KCNH1: variants seen among roughly 807,000 people sequenced by gnomAD.
KCNH1 encodes the protein potassium voltage-gated channel subfamily H member 1.
A neutral mutation model predicts 69.2 loss-of-function variants in KCNH1; 27 were observed. The ratio of observed to expected loss-of-function variants is 0.39; its 90% CI spans 0.29 to 0.54. The LOEUF (loss-of-function observed/expected upper bound fraction) is 0.54, where lower values mean the gene tolerates loss of function less well. Ranked by LOEUF, KCNH1 falls within the 20% of genes least tolerant of loss-of-function variation. The pLI is 0.68. For missense variants in KCNH1, 798 were observed against 1,261.6 expected, an observed-to-expected ratio of 0.63 and a Z score of 5.57; for synonymous variants, 456 against 487.7, an observed-to-expected ratio of 0.93 and a Z score of 0.86.
intron 6 of KCNH1, among the ~76,000 whole-genome samples, chr1:210,965,790 G>C (rs1023625014): frequency 1.2e-4 from 19 of 152,120 alleles, no homozygotes; most frequent in African/African-American, 4.3e-4. Flanking sequence ...TCAGTATCAT[G>C]ATAATGACCA....
At chr1:210,781,692 T>G (rs777212472) in intron 9 of KCNH1, among the ~76,000 whole-genome samples, 7 of 152,196 alleles carry the variant, frequency 4.6e-5, no homozygotes, top group Non-Finnish European at 7.3e-5. Context: ...ATACCACCTA[T>G]GTGAAATCCA....
At chr1:210,712,847 T>C (rs1435585775) in intron 10 of KCNH1, among the ~76,000 whole-genome samples, 1 of 152,178 alleles carries the variant, frequency 6.6e-6, no homozygotes, top group Non-Finnish European at 1.5e-5. Context: ...AATTTTAGTC[T>C]ATCAGCTCCA....
intron 5 of KCNH1, among the ~76,000 whole-genome samples, chr1:211,050,143 C>T (rs774673213): frequency 1.8e-4 from 28 of 151,710 alleles, no homozygotes; most frequent in Non-Finnish European, 1.8e-4. Context: ...TACACCCATG[C>T]CAGCACCTAT....
chr1:210,704,268 C>G (rs1681849576), intron 10 of KCNH1, among the ~76,000 whole-genome samples: 1 of 152,176 alleles, frequency 6.6e-6, no homozygotes, highest in African/African-American at 2.4e-5. Flanking sequence ...CCTTGACTTC[C>G]TGGCCATTTC....
intron 10 of KCNH1, among the ~76,000 whole-genome samples, chr1:210,709,346 A>G (rs1681995597): frequency 6.6e-6 from 1 of 152,210 alleles, no homozygotes; most frequent in South Asian, 2.1e-4. Context: ...GCCAAGGAGC[A>G]CTGGATTGCC....
chr1:211,060,107 A>T (rs1356650058), intron 5 of KCNH1, among the ~76,000 whole-genome samples: 1 of 152,154 alleles, frequency 6.6e-6, no homozygotes, highest in Non-Finnish European at 1.5e-5. Flanking sequence ...AACACATGGA[A>T]ATTTAAAAAT....
At chr1:211,075,832 G>C (rs1003382967) in intron 5 of KCNH1, among the ~76,000 whole-genome samples, 12 of 152,228 alleles carry the variant, frequency 7.9e-5, no homozygotes, top group Non-Finnish European at 1.6e-4. Flanking sequence ...CCTAGCCAAG[G>C]GAAGCTGTGA....
At chr1:211,003,515 C>T (rs922269014) in intron 6 of KCNH1, among the ~76,000 whole-genome samples, 1 of 152,154 alleles carries the variant, frequency 6.6e-6, no homozygotes, top group Non-Finnish European at 1.5e-5. Context: ...TACTAGCTCC[C>T]AAGTCTGCAC....
intron 7 of KCNH1, among the ~76,000 whole-genome samples, chr1:210,898,681 C>CGGG (rs35054693): frequency 2.2e-3 from 298 of 138,530 alleles, no homozygotes; most frequent in Non-Finnish European, 3.6e-3. Context: ...GGCGTGGCGG[C>CGGG]GGGGGGGGGT....
intron 1 of KCNH1, among the ~76,000 whole-genome samples, chr1:211,117,162 T>G (rs546371425): frequency 6.6e-6 from 1 of 152,312 alleles, no homozygotes; most frequent in East Asian, 1.9e-4. Flanking sequence ...GTAAGCTCTT[T>G]TCACTGTCTT....
intron 10 of KCNH1, among the ~76,000 whole-genome samples, chr1:210,756,672 T>C (rs1200361354): frequency 1.3e-5 from 2 of 152,186 alleles, no homozygotes; most frequent in Non-Finnish European, 2.9e-5. Flanking sequence ...TGCCTGGTAC[T>C]GGGAATTAGG....
At chr1:211,074,210 T>C (rs1435216440) in intron 5 of KCNH1, among the ~76,000 whole-genome samples, 2 of 151,642 alleles carry the variant, frequency 1.3e-5, no homozygotes, top group African/African-American at 4.8e-5. Context: ...AAACTGTATG[T>C]TACATTAGAA....
chr1:211,037,045 C>T (rs1054910533), intron 5 of KCNH1, among the ~76,000 whole-genome samples: 1 of 152,198 alleles, frequency 6.6e-6, no homozygotes, highest in African/African-American at 2.4e-5. Flanking sequence ...GGGTTTTTCT[C>T]TTGATGAAAA....
At chr1:211,087,606 TACACACACAC>T (rs59377189) in intron 4 of KCNH1, among the ~76,000 whole-genome samples, 19 of 142,768 alleles carry the variant, frequency 1.3e-4, no homozygotes, top group South Asian at 9.1e-4. Flanking sequence ...CCTTTAAGCA[TACACACACAC>T]ACACACACAC....
At chr1:210,896,823 C>A (rs1274150055) in intron 7 of KCNH1, among the ~76,000 whole-genome samples, 2 of 151,972 alleles carry the variant, frequency 1.3e-5, no homozygotes. Flanking sequence ...GAAAAAAAAA[C>A]AGACTTTTCC....
chr1:211,089,303 A>G (rs976589697), intron 4 of KCNH1, among the ~76,000 whole-genome samples: 3 of 152,242 alleles, frequency 2.0e-5, no homozygotes, highest in Non-Finnish European at 4.4e-5. Context: ...TCTTCAAATT[A>G]GAAACTAGAA....
Position 210,686,594 on chromosome 1 carries a change from G to A in KCNH1, c.2113-2456C>T, listed in dbSNP as rs61829460. On this transcript the variant is annotated intron_variant, in intron 10 of 10. Coordinates refer to ENST00000271751, the MANE Select transcript of KCNH1 (RefSeq NM_172362.3). ...ATGGAGGGAAGGAATGCAGAAAAGG[G>A]GAAGGAGAGAAATGGGTGAGAATGT... Among the ~76,000 whole-genome samples, 1,266 of 152,298 alleles carry A rather than the reference G, an allele frequency of 8.3e-3. 7 individuals are homozygous for A. Among genetic ancestry groups the A allele is most frequent in the Non-Finnish European group, 0.014 (962 of 68,024 alleles).
chr1:210,748,018 C>A (rs1220415236), intron 10 of KCNH1, among the ~76,000 whole-genome samples: 2 of 152,190 alleles, frequency 1.3e-5, no homozygotes, highest in Admixed American at 1.3e-4. Flanking sequence ...TGTGTTCAGG[C>A]ACAATGGCAC....
intron 7 of KCNH1, among the ~76,000 whole-genome samples, chr1:210,916,262 G>C (rs1455352293): frequency 6.6e-6 from 1 of 152,150 alleles, no homozygotes; most frequent in East Asian, 1.9e-4. Flanking sequence ...AAGTTTACAA[G>C]GATAATTACC....
Sources: gnomAD v4.1 joint callset for allele counts (sites outside exome capture counted in the v4.1 genomes callset) on GRCh38, gnomAD v4.1.1 for gene constraint, MANE v1.5 for transcripts, NCBI Gene and HGNC (gene_info 2026-07-23, HGNC 2026-07-21) for gene names.